Variants in CNTNAP2 observed in about 807,000 individuals in gnomAD.
The protein encoded by CNTNAP2 is contactin associated protein 2.
A neutral mutation model predicts 155.2 loss-of-function variants in CNTNAP2; 98 were observed. The ratio of observed to expected loss-of-function variants is 0.63; its 90% CI spans 0.54 to 0.75. CNTNAP2 has a LOEUF of 0.75. Among genes scored for constraint, CNTNAP2 ranks in the 30% least tolerant of loss-of-function variants. The probability of loss-of-function intolerance (pLI) is 0.00; values close to 1 mark genes in which losing one functional copy is unlikely to be tolerated. For missense variants in CNTNAP2, 1,727 were observed against 1,688.1 expected, an observed-to-expected ratio of 1.02 and a Z score of -0.40; for synonymous variants, 651 against 631.2, an observed-to-expected ratio of 1.03 and a Z score of -0.47.
intron 8 of CNTNAP2, among the ~76,000 whole-genome samples, chr7:147,171,154 G>A (rs1802218576): frequency 2.0e-5 from 3 of 152,154 alleles, no homozygotes; most frequent in Non-Finnish European, 4.4e-5. Context: ...AGCGTGGGCT[G>A]TCCCCCAGGC....
intron 2 of CNTNAP2, among the ~76,000 whole-genome samples, chr7:146,796,790 A>G (rs1291498433): frequency 6.6e-6 from 1 of 151,992 alleles, no homozygotes; most frequent in East Asian, 1.9e-4. Context: ...ACATAAGTTA[A>G]TACATGTAAT....
At chr7:148,331,975 T>A (rs897728186) in intron 21 of CNTNAP2, among the ~76,000 whole-genome samples, 5 of 152,298 alleles carry the variant, frequency 3.3e-5, no homozygotes, top group African/African-American at 1.2e-4. Flanking sequence ...CATTTCCAGA[T>A]GCAGCACCAC....
chr7:147,672,350 C>A (rs1054109382), intron 13 of CNTNAP2: 21 of 152,102 alleles, frequency 1.4e-4, no homozygotes, highest in African/African-American at 5.1e-4. Context: ...ACATTTATGA[C>A]CCATTATCAG....
At chr7:148,266,620 G>A (rs1796674793) in intron 20 of CNTNAP2, among the ~76,000 whole-genome samples, 1 of 151,946 alleles carries the variant, frequency 6.6e-6, no homozygotes, top group South Asian at 2.1e-4. Context: ...GTGTGTATGT[G>A]TGTGTGTGTG....
intron 1 of CNTNAP2, among the ~76,000 whole-genome samples, chr7:146,398,706 T>C (rs922064557): frequency 2.0e-5 from 3 of 152,202 alleles, no homozygotes; most frequent in Non-Finnish European, 4.4e-5. Context: ...CTTTGAAATA[T>C]GTCTCTTGAT....
intron 3 of CNTNAP2, among the ~76,000 whole-genome samples, chr7:146,860,513 G>C (rs1795076541): frequency 6.6e-6 from 1 of 152,050 alleles, no homozygotes; most frequent in African/African-American, 2.4e-5. Flanking sequence ...GAAAGTTCTA[G>C]AACAGCCCCT....
At chr7:147,147,593 C>T (rs1801731983) in intron 8 of CNTNAP2, among the ~76,000 whole-genome samples, 1 of 152,084 alleles carries the variant, frequency 6.6e-6, no homozygotes, top group African/African-American at 2.4e-5. Context: ...GCATCCTCTG[C>T]GTGGACTGTG....
At chr7:148,218,462 G>A (rs1409361471) in intron 19 of CNTNAP2, among the ~76,000 whole-genome samples, 2 of 152,124 alleles carry the variant, frequency 1.3e-5, no homozygotes, top group East Asian at 1.9e-4. Flanking sequence ...CAGGATCACA[G>A]CTCACTTCAG....
At chr7:147,996,188 T>C (rs1801800976) in intron 15 of CNTNAP2, among the ~76,000 whole-genome samples, 1 of 152,238 alleles carries the variant, frequency 6.6e-6, no homozygotes, top group Non-Finnish European at 1.5e-5. Context: ...ATTTATGTGA[T>C]GAAAACCAAA....
At chr7:147,280,966 A>G (rs1805020413) in intron 8 of CNTNAP2, among the ~76,000 whole-genome samples, 1 of 151,884 alleles carries the variant, frequency 6.6e-6, no homozygotes, top group African/African-American at 2.4e-5. Flanking sequence ...CTTTGACTTG[A>G]ATTTCACAAA....
chr7:146,997,459 G>T lies in CNTNAP2; in HGVS notation c.403-46448G>T, dbSNP rs1798332581. Among the ~76,000 whole-genome samples the T allele has an allele frequency of 3.3e-5, 5 of 152,052 alleles. 1 individual carries two copies. Among genetic ancestry groups the T allele is most frequent in the Middle Eastern group, 3.2e-3 (1 of 316 alleles). ...TGAATGATGTTTTCCATTTGCTGTT[G>T]AATTTGGTTTACTAGTATTTTGTTA... On this transcript the variant is annotated intron_variant, in intron 3 of 23. Coordinates refer to ENST00000361727, the MANE Select transcript of CNTNAP2 (RefSeq NM_014141.6).
intron 13 of CNTNAP2, among the ~76,000 whole-genome samples, chr7:147,878,130 A>G (rs1585006332): frequency 7.3e-6 from 1 of 136,164 alleles, no homozygotes; most frequent in Non-Finnish European, 1.6e-5. Flanking sequence ...AAAGTTTAGC[A>G]TTGGAAGTTT....
intron 20 of CNTNAP2, among the ~76,000 whole-genome samples, chr7:148,257,922 AACACAC>A (rs59515015): frequency 0.23 from 31,232 of 138,662 alleles, 3,466 homozygotes; most frequent in Middle Eastern, 0.29. Flanking sequence ...CCACACCTTA[AACACAC>A]ACACACACAC....
chr7:147,694,440 G>T (rs151105820), intron 13 of CNTNAP2, among the ~76,000 whole-genome samples: 1 of 151,982 alleles, frequency 6.6e-6, no homozygotes, highest in South Asian at 2.1e-4. Context: ...CTTTAATTAC[G>T]TGGTAAAATT....
intron 17 of CNTNAP2, among the ~76,000 whole-genome samples, chr7:148,169,226 T>C (rs2906291): frequency 0.5 from 75,499 of 152,032 alleles, 21,485 homozygotes; most frequent in African/African-American, 0.79. Flanking sequence ...GTATTTGAGG[T>C]GATGCAGATT....
chr7:147,719,200 G>A (rs1796527394), intron 13 of CNTNAP2, among the ~76,000 whole-genome samples: 3 of 152,072 alleles, frequency 2.0e-5, no homozygotes, highest in Admixed American at 6.6e-5. Flanking sequence ...TGTTGCAGAA[G>A]CTGGGTACCT....
intron 1 of CNTNAP2, among the ~76,000 whole-genome samples, chr7:146,370,298 C>T (rs1795216560): frequency 6.9e-6 from 1 of 145,738 alleles, no homozygotes; most frequent in African/African-American, 2.6e-5. Context: ...AATTAGCCGG[C>T]GTGACAGCAT....
At chr7:147,173,045 T>C (rs1472393242) in intron 8 of CNTNAP2, among the ~76,000 whole-genome samples, 1 of 152,140 alleles carries the variant, frequency 6.6e-6, no homozygotes, top group East Asian at 1.9e-4. Context: ...ACTCTATACT[T>C]TATGGCAACC....
intron 12 of CNTNAP2, among the ~76,000 whole-genome samples, chr7:147,591,973 A>G (rs888466678): frequency 2.0e-5 from 3 of 152,230 alleles, no homozygotes; most frequent in Non-Finnish European, 4.4e-5. Context: ...GCTCAATGTC[A>G]TCTATGAAAA....
Sources: allele counts gnomAD v4.1 joint callset (sites outside exome capture counted in the v4.1 genomes callset), GRCh38; gene constraint gnomAD v4.1.1; transcripts MANE v1.5; gene names NCBI Gene and HGNC (gene_info 2026-07-23, HGNC 2026-07-21).